RNF144A: variants seen among roughly 807,000 people sequenced by gnomAD.
RNF144A encodes the protein E3 ubiquitin-protein ligase RNF144A.
In RNF144A, 11 loss-of-function variants were observed where a neutral mutation model predicts 38.7. The ratio of observed to expected loss-of-function variants is 0.28; its 90% CI spans 0.18 to 0.47. The LOEUF (loss-of-function observed/expected upper bound fraction) is 0.47. Ranked by LOEUF, RNF144A falls within the 20% of genes least tolerant of loss-of-function variation. RNF144A has a pLI of 0.99. For synonymous variants in RNF144A, 149 were observed against 143.9 expected, an observed-to-expected ratio of 1.04 and a Z score of -0.25; for missense variants, 316 against 377.2, an observed-to-expected ratio of 0.84 and a Z score of 1.34.
intron 1 of RNF144A, among the ~76,000 whole-genome samples, chr2:6,937,261 A>AT (rs1293227587): frequency 6.6e-6 from 1 of 152,218 alleles, no homozygotes; most frequent in African/African-American, 2.4e-5. Context: ...ATGGCACTTC[A>AT]TTAGCGCCCA....
chr2:6,918,848 GA>G (rs1397043801), intron 1 of RNF144A: 10 of 151,954 alleles, frequency 6.6e-5, no homozygotes, highest in African/African-American at 2.4e-4. Context: ...GGTAACAGAG[GA>G]GTGAGGTAAG....
In RNF144A at chr2:6,948,466, A is replaced by G. The variant is rs1572245368; in HGVS notation, c.-12+7319A>G. Reference sequence around the variant, plus strand: ...CATGGTTATTTTGCTGGCTTAAACAATGTCCCTGTGAGCTGTGGTGCTTCC... The same window carrying G: ...CATGGTTATTTTGCTGGCTTAAACAGTGTCCCTGTGAGCTGTGGTGCTTCC... On this transcript the variant is annotated intron_variant, in intron 2 of 8. Transcript: ENST00000320892. Among the ~76,000 whole-genome samples the G allele has an allele frequency of 4.6e-5, 7 of 152,350 alleles. 1 individual carries two copies. In the South Asian group the frequency reaches 1.4e-3, roughly 32 times the overall value.
At chr2:7,056,593 T>C (rs976707907) in intron 6 of RNF144A, among the ~76,000 whole-genome samples, 3 of 152,174 alleles carry the variant, frequency 2.0e-5, no homozygotes, top group African/African-American at 7.2e-5. Context: ...CCAGTTATGG[T>C]TCCTGCAGCA....
chr2:7,068,100 C>T (rs1674308707), intron 6 of RNF144A: 1 of 485,368 alleles, frequency 2.1e-6, no homozygotes, highest in African/African-American at 2.0e-5. Flanking sequence ...TCTCTCTTCC[C>T]TGTTGCAAAA....
intron 2 of RNF144A, among the ~76,000 whole-genome samples, chr2:6,950,440 G>T (rs761724663): frequency 6.6e-6 from 1 of 152,168 alleles, no homozygotes; most frequent in African/African-American, 2.4e-5. Flanking sequence ...TCCTGCCATT[G>T]GATGTTTGGG....
At chr2:7,066,972 T>C (rs888987600) in intron 6 of RNF144A, among the ~76,000 whole-genome samples, 5 of 152,222 alleles carry the variant, frequency 3.3e-5, no homozygotes, top group Non-Finnish European at 7.3e-5. Context: ...AGAGCCTAGG[T>C]GGTCAATCAT....
At chr2:6,983,904 C>G (rs377506284) in intron 2 of RNF144A, among the ~76,000 whole-genome samples, 1 of 152,194 alleles carries the variant, frequency 6.6e-6, no homozygotes, top group Non-Finnish European at 1.5e-5. Context: ...TTCTCCAGCA[C>G]CGATCTTGAA....
At position 7,041,506 on chromosome 2, in the gene RNF144A, C is replaced by T; in HGVS notation, c.*1746C>T. Reference sequence around the variant, plus strand: ...CTCAGTAAGAACATGCCTGCGACTCCCTTTCTGGATGGAACCTGGGCTGTG... The same window carrying T: ...CTCAGTAAGAACATGCCTGCGACTCTCTTTCTGGATGGAACCTGGGCTGTG... On this transcript the variant is annotated 3_prime_UTR_variant, in exon 9 of 9. Transcript: ENST00000320892. 1.0e-6 allele frequency: 1 copy of T among 985,998 alleles called. No homozygotes were observed. The allele number at this position is 985,998 out of a possible 1,614,324, so 61.1% of individuals were successfully genotyped here.
Position 7,040,605 on chromosome 2 carries a change from T to C in RNF144A, c.*845T>C, listed in dbSNP as rs1455685450. 2.0e-6 allele frequency: 2 copies of C among 985,344 alleles called. No individual in the cohort carries two copies. The highest frequency in any genetic ancestry group is 1.7e-5 in the African/African-American group (1 of 57,242). 61.0% of individuals were successfully genotyped at this position (985,344 alleles called of 1,614,324 possible). On this transcript the variant is annotated 3_prime_UTR_variant, in exon 9 of 9. Transcript: ENST00000320892. ...CTCTCCCAGGTAGCAGAAAACGCTT[T>C]TTATTGTATTCAATCCCACTGCTTT...
intron 6 of RNF144A, among the ~76,000 whole-genome samples, chr2:7,023,576 A>C (rs1671675218): frequency 6.6e-6 from 1 of 152,208 alleles, no homozygotes; most frequent in Admixed American, 6.5e-5. Flanking sequence ...GCTTTTCTGA[A>C]TATTCTTACC....
intron 4 of RNF144A, 57 bp from the exon 5 acceptor site, chr2:7,014,655 A>G (rs1340722359): frequency 3.2e-6 from 5 of 1,548,598 alleles, no homozygotes; most frequent in Non-Finnish European, 4.5e-6. Context: ...TGTGCGTTGC[A>G]TTATATTCTA....
rs551547216 is a variant in RNF144A at position 7,027,786 on chromosome 2, T to A, written c.658-2340T>A. On this transcript the variant is annotated intron_variant, in intron 7 of 8. Transcript: ENST00000320892. ...GTGTTCCTGCAGCTCCTGGGATTGT[T>A]ATGCCTCAGGGCATCATCAATAAAC... Among the ~76,000 whole-genome samples, 8 of 152,374 alleles carry A rather than the reference T, an allele frequency of 5.3e-5. No homozygotes were observed. The South Asian group carries it at 1.0e-3, about 20-fold the overall frequency.
chr2:7,042,861 T>G lies in RNF144A; in HGVS notation c.*3101T>G, dbSNP rs1453150988. ...GAACCAACATCTGCCACCTCTGGCA[T>G]TTTCTTTCTTTTTTTTTCTTTTTGA... is the stretch of plus-strand genomic sequence containing the variant. On this transcript the variant is annotated 3_prime_UTR_variant, in exon 9 of 9. Coordinates refer to ENST00000320892, the MANE Select transcript of RNF144A (RefSeq NM_014746.6). 4 of 984,914 alleles carry G rather than the reference T, an allele frequency of 4.1e-6. No homozygotes were observed. Among genetic ancestry groups the G allele is most frequent in the Non-Finnish European group, 4.8e-6 (4 of 829,646 alleles). The allele number at this position is 984,914 out of a possible 1,614,324, so 61.0% of individuals were successfully genotyped here. A position where few individuals can be genotyped will look rare whatever the true frequency, so the allele number is the denominator to read the frequency against.
chr2:6,994,385 A>G lies in RNF144A; in HGVS notation c.-11-2531A>G, dbSNP rs56787940. Among the ~76,000 whole-genome samples the G allele has an allele frequency of 2.4e-3, 371 of 152,320 alleles. 2 individuals carry two copies. Among genetic ancestry groups the G allele is most frequent in the African/African-American group, 8.4e-3 (349 of 41,554 alleles). On this transcript the variant is annotated intron_variant, in intron 2 of 8. Coordinates refer to ENST00000320892, the MANE Select transcript of RNF144A (RefSeq NM_014746.6). ...CATGTTGTCCAGTGAACTTTAAGAG[A>G]TGCTACTTAAAAAAATTATTAAGTA...
At chr2:7,069,764 G>A (rs1468419642), downstream of RNF144A, among the ~76,000 whole-genome samples, 1 of 152,194 alleles carries the variant, frequency 6.6e-6, no homozygotes, top group Non-Finnish European at 1.5e-5. Flanking sequence ...CTATATTAGA[G>A]AAGCTTGTGT....
chr2:7,075,827 G>A, the RNF144A span, among the ~76,000 whole-genome samples: 1 of 152,316 alleles, frequency 6.6e-6, no homozygotes, highest in Non-Finnish European at 1.5e-5. Flanking sequence ...CAGTTGCAAA[G>A]GTTGCTCAAG....
chr2:7,058,709 G>C (rs1287571624), intron 6 of RNF144A, among the ~76,000 whole-genome samples: 1 of 152,074 alleles, frequency 6.6e-6, no homozygotes, highest in Non-Finnish European at 1.5e-5. Context: ...TTTTTATATT[G>C]GTTGGTTTTC....
chr2:6,986,344 G>A (rs1466094852), intron 2 of RNF144A, among the ~76,000 whole-genome samples: 1 of 152,016 alleles, frequency 6.6e-6, no homozygotes, highest in Non-Finnish European at 1.5e-5. Context: ...ATTAGCTCAA[G>A]GGATTGACAA....
intron 3 of RNF144A, among the ~76,000 whole-genome samples, chr2:6,999,030 TC>T: frequency 6.6e-6 from 1 of 152,344 alleles, no homozygotes; most frequent in East Asian, 1.9e-4. Flanking sequence ...GTTATTGTTG[TC>T]TTAGTTTTCT....
Sources: allele counts gnomAD v4.1 joint callset (sites outside exome capture counted in the v4.1 genomes callset), GRCh38; gene constraint gnomAD v4.1.1; transcripts MANE v1.5; gene names NCBI Gene and HGNC (gene_info 2026-07-23, HGNC 2026-07-21).